FNDC3B: variants seen among roughly 807,000 people sequenced by gnomAD.
FNDC3B encodes fibronectin type III domain containing 3B, also known as fibronectin type III domain-containing protein 3B.
A neutral mutation model predicts 151.5 loss-of-function variants in FNDC3B; 12 were observed. That is an observed-to-expected ratio of 0.08 (90% CI 0.05 to 0.13). The LOEUF (loss-of-function observed/expected upper bound fraction) is 0.13. Ranked by LOEUF, FNDC3B falls within the 10% of genes least tolerant of loss-of-function variation. FNDC3B has a pLI of 1.00. For missense variants in FNDC3B, 1,214 were observed against 1,505.3 expected (o/e 0.81, Z 3.20); for synonymous variants, 528 against 549.0 (o/e 0.96, Z 0.54).
At chr3:172,375,465 C>T (rs1008770234) in intron 23 of FNDC3B, among the ~76,000 whole-genome samples, 7 of 152,190 alleles carry the variant, frequency 4.6e-5, no homozygotes, top group Non-Finnish European at 8.8e-5. Flanking sequence ...CAGGAAAGAG[C>T]CTCTGTCATG....
chr3:172,264,156 C>A (rs958548589), intron 6 of FNDC3B, among the ~76,000 whole-genome samples: 1 of 151,978 alleles, frequency 6.6e-6, no homozygotes, highest in Non-Finnish European at 1.5e-5. Flanking sequence ...CTGGCTAATT[C>A]TTTTTATTTA....
intron 3 of FNDC3B, among the ~76,000 whole-genome samples, chr3:172,182,491 T>G (rs4243422): frequency 0.68 from 103,236 of 151,998 alleles, 35,979 homozygotes; most frequent in African/African-American, 0.84. Flanking sequence ...TCTATTTTGG[T>G]TGTCCGCTCT....
chr3:172,384,938 C>T (rs1735630672), intron 25 of FNDC3B, among the ~76,000 whole-genome samples: 1 of 152,186 alleles, frequency 6.6e-6, no homozygotes, highest in South Asian at 2.1e-4. Flanking sequence ...CACAGTACTG[C>T]ACGGCAGGCT....
chr3:172,128,008 C>CT, intron 2 of FNDC3B, among the ~76,000 whole-genome samples: 2 of 152,284 alleles, frequency 1.3e-5, no homozygotes, highest in Admixed American at 1.3e-4. Flanking sequence ...AGTATTAAAA[C>CT]TTTTGGAGTA....
At chr3:172,215,316 G>A (rs1224022486) in intron 3 of FNDC3B, among the ~76,000 whole-genome samples, 1 of 152,214 alleles carries the variant, frequency 6.6e-6, no homozygotes, top group Non-Finnish European at 1.5e-5. Flanking sequence ...CAAATGGGAT[G>A]GAAGTGGGGG....
intron 8 of FNDC3B, among the ~76,000 whole-genome samples, chr3:172,298,015 A>T (rs1730728067): frequency 6.6e-6 from 1 of 152,224 alleles, no homozygotes; most frequent in African/African-American, 2.4e-5. Context: ...GTCTAGGGTC[A>T]TACAGTACCT....
At chr3:172,290,083 G>A (rs552003913) in intron 7 of FNDC3B, among the ~76,000 whole-genome samples, 1 of 152,204 alleles carries the variant, frequency 6.6e-6, no homozygotes, top group Non-Finnish European at 1.5e-5. Context: ...GCCATGCAAA[G>A]TTGGGAGCAC....
chr3:172,388,831 A>AG (rs1481050705), intron 25 of FNDC3B, among the ~76,000 whole-genome samples: 4 of 152,140 alleles, frequency 2.6e-5, no homozygotes, highest in Admixed American at 6.5e-5. Flanking sequence ...GATTTCTGCA[A>AG]GGCGGGGCAG....
chr3:172,377,121 C>A (rs1735188784), intron 23 of FNDC3B, among the ~76,000 whole-genome samples: 1 of 152,188 alleles, frequency 6.6e-6, no homozygotes, highest in Non-Finnish European at 1.5e-5. Flanking sequence ...TTCTGCTTAC[C>A]CCTAGGCCAA....
intron 4 of FNDC3B, among the ~76,000 whole-genome samples, chr3:172,245,969 A>G (rs1727753853): frequency 6.6e-6 from 1 of 152,208 alleles, no homozygotes; most frequent in Non-Finnish European, 1.5e-5. Context: ...CATTCAATCT[A>G]AACCTATTTT....
intron 1 of FNDC3B, among the ~76,000 whole-genome samples, chr3:172,091,931 G>C (rs1185344254): frequency 6.8e-6 from 1 of 146,898 alleles, no homozygotes; most frequent in East Asian, 2.0e-4. Flanking sequence ...GGGGGTAGGG[G>C]AGTGCTGTAA....
At chr3:172,070,520 CT>C (rs1409443178) in intron 1 of FNDC3B, among the ~76,000 whole-genome samples, 2 of 152,202 alleles carry the variant, frequency 1.3e-5, no homozygotes, top group African/African-American at 2.4e-5. Context: ...GTAAATCCTG[CT>C]GTCTGTAGTG....
At chr3:172,118,778 T>C (rs1720387091) in intron 2 of FNDC3B, among the ~76,000 whole-genome samples, 1 of 152,184 alleles carries the variant, frequency 6.6e-6, no homozygotes, top group Non-Finnish European at 1.5e-5. Flanking sequence ...TTATTATTGC[T>C]GACTGCCGTT....
chr3:172,098,016 ATTT>A (rs755392197), intron 1 of FNDC3B, among the ~76,000 whole-genome samples: 5 of 145,336 alleles, frequency 3.4e-5, no homozygotes, highest in Non-Finnish European at 7.6e-5. Context: ...GCTGCAAGAA[ATTT>A]TTTTTTTTTT....
intron 3 of FNDC3B, among the ~76,000 whole-genome samples, chr3:172,161,707 G>T (rs1722779267): frequency 6.6e-6 from 1 of 152,192 alleles, no homozygotes; most frequent in Non-Finnish European, 1.5e-5. Flanking sequence ...ATTTTGTTGA[G>T]ATATAATTCA....
At chr3:172,356,739 C>T (rs556674351) in intron 22 of FNDC3B, among the ~76,000 whole-genome samples, 2 of 152,272 alleles carry the variant, frequency 1.3e-5, no homozygotes, top group South Asian at 2.1e-4. Flanking sequence ...GCTATTATTT[C>T]GTACTTAAGA....
intron 1 of FNDC3B, among the ~76,000 whole-genome samples, chr3:172,089,323 A>G (rs563665885): frequency 4.6e-5 from 7 of 152,288 alleles, no homozygotes; most frequent in African/African-American, 1.7e-4. Flanking sequence ...TAGGGGCAGG[A>G]TATTTTACCA....
chr3:172,381,504 A>G (rs1210776549), intron 25 of FNDC3B, among the ~76,000 whole-genome samples: 1 of 150,448 alleles, frequency 6.6e-6, no homozygotes, highest in Non-Finnish European at 1.5e-5. Context: ...AAGTTCTGGG[A>G]TACATGTGTA....
At chr3:172,311,285 A>G (rs7647831) in intron 11 of FNDC3B, among the ~76,000 whole-genome samples, 4,985 of 152,284 alleles carry the variant, frequency 0.033, 294 homozygotes, top group African/African-American at 0.11. Context: ...AATGCCATGT[A>G]TGTACTTTGG....
Sources: allele counts gnomAD v4.1 joint callset (sites outside exome capture counted in the v4.1 genomes callset), GRCh38; gene constraint gnomAD v4.1.1; transcripts MANE v1.5; gene names NCBI Gene and HGNC (gene_info 2026-07-23, HGNC 2026-07-21).